TRAK1: variants seen among roughly 807,000 people sequenced by gnomAD.
TRAK1 encodes the protein trafficking kinesin protein 1, also known as trafficking kinesin-binding protein 1.
Under a neutral mutation model 92.1 loss-of-function variants are expected in TRAK1, and 33 were observed. That is an observed-to-expected ratio of 0.36 (90% CI 0.27 to 0.48). The LOEUF (loss-of-function observed/expected upper bound fraction) is 0.48. Ranked by LOEUF, TRAK1 falls within the 20% of genes least tolerant of loss-of-function variation. The pLI, the probability that TRAK1 is intolerant of heterozygous loss-of-function variation, is 0.99. For missense variants in TRAK1, 1,123 were observed against 1,257.9 expected, an observed-to-expected ratio of 0.89 and a Z score of 1.62; for synonymous variants, 521 against 517.3, an observed-to-expected ratio of 1.01 and a Z score of -0.10.
intron 1 of TRAK1, among the ~76,000 whole-genome samples, chr3:42,049,405 A>G (rs560632555): frequency 6.6e-6 from 1 of 151,814 alleles, no homozygotes; most frequent in Non-Finnish European, 1.5e-5. Context: ...TCATTATGCC[A>G]GGCACTCAGT....
At chr3:42,017,531 T>A (rs1701572367) in intron 1 of TRAK1, among the ~76,000 whole-genome samples, 2 of 152,220 alleles carry the variant, frequency 1.3e-5, no homozygotes, top group Non-Finnish European at 2.9e-5. Flanking sequence ...TTCCCTATTC[T>A]GACTTGTCTT....
chr3:42,172,840 T>C (rs1158104940), intron 2 of TRAK1, among the ~76,000 whole-genome samples: 1 of 152,146 alleles, frequency 6.6e-6, no homozygotes, highest in African/African-American at 2.4e-5. Context: ...GGACCATAAT[T>C]TTCTTATATT....
intron 1 of TRAK1, among the ~76,000 whole-genome samples, chr3:42,098,876 G>T (rs1265678532): frequency 6.6e-6 from 1 of 152,098 alleles, no homozygotes; most frequent in Non-Finnish European, 1.5e-5. Flanking sequence ...AAAGTCCCAC[G>T]AGAGTGAGGG....
chr3:42,085,387 T>G (rs1425428682), upstream of TRAK1, among the ~76,000 whole-genome samples: 1 of 152,186 alleles, frequency 6.6e-6, no homozygotes, highest in Admixed American at 6.5e-5. Context: ...CAGGCTGGCC[T>G]CAAACTCCTG....
chr3:42,162,382 A>C (rs568094989), intron 2 of TRAK1, among the ~76,000 whole-genome samples: 1 of 152,230 alleles, frequency 6.6e-6, no homozygotes, highest in East Asian at 1.9e-4. Flanking sequence ...GTGAAATAAC[A>C]GGCACTAGAA....
chr3:42,223,728 C>A lies in TRAK1; in HGVS notation c.2853C>A (p.Ser951Arg). Reference protein sequence around the residue: ...LMGAKLSKQTSLR With the variant: ...LMGAKLSKQTRLR ...GTGCTAAGCTCTCCAAACAAACTAG[C>A]TTACGGTGAGGACTGGAGGGGGGCC... is the stretch of plus-strand genomic sequence containing the variant. Residue 951 changes from serine to arginine, a missense_variant, in exon 16 of 16, where the codon AGC becomes AGA. By Grantham distance (110) the Ser-to-Arg change is moderately radical. Transcript: ENST00000327628. This position sits in a 1 kb window ranked among gnomAD's most constrained non-coding sequence, Gnocchi z 6.1. 1 of 1,603,142 alleles carries A rather than the reference C, an allele frequency of 6.2e-7. No individual in the cohort carries two copies. Among genetic ancestry groups the A allele is most frequent in the South Asian group, 1.1e-5 (1 of 90,624 alleles).
chr3:42,029,298 G>A (rs775882740), intron 1 of TRAK1, among the ~76,000 whole-genome samples: 4 of 152,214 alleles, frequency 2.6e-5, no homozygotes, highest in Admixed American at 6.5e-5. Flanking sequence ...GCATGCAGCG[G>A]TGCAGTCTCA....
intron 1 of TRAK1, among the ~76,000 whole-genome samples, chr3:42,101,170 CAG>C (rs1471353714): frequency 6.6e-6 from 1 of 152,180 alleles, no homozygotes; most frequent in Non-Finnish European, 1.5e-5. Flanking sequence ...CTCCTCTGGG[CAG>C]AGGACAAGAG....
At position 42,194,807 on chromosome 3, in the gene TRAK1, C is replaced by T. The variant is rs1360721451; in HGVS notation, c.979C>T (p.Arg327Cys). The T allele has an allele frequency of 5.0e-6, 8 of 1,613,430 alleles. No individual in the cohort carries two copies. The highest frequency in any genetic ancestry group is 3.3e-5 in the Admixed American group (2 of 59,938). The change falls in exon 10 of 16, where the codon CGT (arginine) becomes TGT (cysteine). Residue 327 changes from arginine (R) to cysteine (C), a missense_variant. By Grantham distance (180) the Arg-to-Cys change is radical (BLOSUM62 -3). Around this residue, in one of 3 missense-constraint regions of TRAK1, gnomAD observed 686 missense variants for 747.6 expected, o/e 0.92. Coordinates refer to ENST00000327628, the MANE Select transcript of TRAK1 (RefSeq NM_001042646.3). ...TCTGTGTCTTTCCTGCCTGCAGCTG[C>T]GTGAGCTGGAGGACAAGTACGCAGA... ...DAQRQLTAEL[R>C]ELEDKYAECM... is the part of the protein sequence containing the mutation.
chr3:42,057,031 G>A (rs1306841180), intron 1 of TRAK1, among the ~76,000 whole-genome samples: 2 of 152,162 alleles, frequency 1.3e-5, no homozygotes, highest in African/African-American at 4.8e-5. Flanking sequence ...CAGGGACCTG[G>A]TGAAGGGCAC....
chr3:42,091,664 C>T, intron 1 of TRAK1, 104 bp downstream of exon 1: 1 of 1,100,288 alleles, frequency 9.1e-7, no homozygotes, highest in South Asian at 1.6e-5. Context: ...CTCCGTGCTG[C>T]TTGGGAGGTT....
Position 42,218,519 on chromosome 3 carries a change from T to A in TRAK1, c.1964-975T>A, listed in dbSNP as rs1237811119. 2.4e-5 allele frequency: 24 copies of A among 983,812 alleles called. No homozygotes were observed. In the South Asian group the frequency reaches 6.1e-4, roughly 25 times the overall value. 60.9% of individuals were successfully genotyped at this position (983,812 alleles called of 1,614,324 possible). On this transcript the variant is annotated intron_variant, in intron 14 of 15. Coordinates refer to ENST00000327628, the MANE Select transcript of TRAK1 (RefSeq NM_001042646.3). Reference sequence around the variant, plus strand: ...TATTTCGGGCAGCATCTTTTTTTTTTATTTTATTATTATTTTTTTTCCTGA... The same window carrying A: ...TATTTCGGGCAGCATCTTTTTTTTTAATTTTATTATTATTTTTTTTCCTGA...
At chr3:42,053,387 GC>G (rs1559724733) in intron 1 of TRAK1, among the ~76,000 whole-genome samples, 18 of 133,376 alleles carry the variant, frequency 1.3e-4, no homozygotes, top group South Asian at 2.8e-4. Flanking sequence ...GGGGGGGGGG[GC>G]GGGGGATGGC....
At chr3:42,191,527 G>A (rs1283848914) in intron 6 of TRAK1, 31 bp from the exon 7 acceptor site, 7 of 1,563,620 alleles carry the variant, frequency 4.5e-6, no homozygotes, top group African/African-American at 2.7e-5. Context: ...AGGTGAGAAT[G>A]TGGGGCCTCT....
At chr3:42,217,293 CCA>C (rs1709829007) in intron 14 of TRAK1, 1 of 985,146 alleles carries the variant, frequency 1.0e-6, no homozygotes, top group African/African-American at 1.7e-5. Context: ...TGCGGAGAGC[CCA>C]CGGGTCCAGG....
intron 2 of TRAK1, among the ~76,000 whole-genome samples, chr3:42,142,154 A>AAAAC (rs1348374577): frequency 7.9e-5 from 12 of 152,056 alleles, no homozygotes; most frequent in Non-Finnish European, 1.5e-4. Context: ...AAAACAAAAA[A>AAAAC]AGAAGAAAAT....
chr3:42,102,643 T>A (rs1706948651), intron 1 of TRAK1, among the ~76,000 whole-genome samples: 1 of 152,194 alleles, frequency 6.6e-6, no homozygotes. Context: ...GATGGGGCTG[T>A]GTTCCCTATT....
At chr3:42,097,322 C>T (rs11918064) in intron 1 of TRAK1, among the ~76,000 whole-genome samples, 81,487 of 151,982 alleles carry the variant, frequency 0.54, 22,550 homozygotes, top group South Asian at 0.68. Flanking sequence ...AATGAATGTA[C>T]TTGTGTGAAT....
Position 42,224,799 on chromosome 3 carries a change from TC to T in TRAK1, c.*1064del, listed in dbSNP as rs1445600526. ...CCAGGGGGAAACAAGGCTTTGGTATTCCGCTGGCTCCAGCGCTTTTTCTGAA... is the reference window on the plus strand; with the variant it reads ...CCAGGGGGAAACAAGGCTTTGGTATTCGCTGGCTCCAGCGCTTTTTCTGAA... On this transcript the variant is annotated 3_prime_UTR_variant, in exon 16 of 16. Transcript: ENST00000327628. 6.6e-6 allele frequency: 1 copy of T among 152,228 alleles called. No individual in the cohort carries two copies. The highest frequency in any genetic ancestry group is 2.4e-5 in the African/African-American group (1 of 41,460). The allele number at this position is 152,228 out of a possible 1,614,324, so 9.4% of individuals were successfully genotyped here. A position where few individuals can be genotyped will look rare whatever the true frequency, so the allele number is the denominator to read the frequency against.
Sources: gnomAD v4.1 joint callset for allele counts (sites outside exome capture counted in the v4.1 genomes callset) on GRCh38, gnomAD v4.1.1 for gene constraint, gnomAD v4.1.1 regional missense constraint, Gnocchi (gnomAD v3.1) non-coding constraint, MANE v1.5 for transcripts, NCBI Gene and HGNC (gene_info 2026-07-23, HGNC 2026-07-21) for gene names.